The following BBS7 variants were observed in gnomAD, a reference collection of about 807,000 sequenced individuals.
The protein encoded by BBS7 is Bardet-Biedl syndrome 7, also known as BBSome complex member BBS7.
BBS7 carries 50 observed loss-of-function variants against 90.3 expected under a neutral mutation model. The ratio of observed to expected loss-of-function variants is 0.55; its 90% CI spans 0.44 to 0.70. The LOEUF is 0.70. Ranked by LOEUF, BBS7 falls within the 30% of genes least tolerant of loss-of-function variation. BBS7 has a pLI of 0.00. For missense variants in BBS7, 729 were observed against 838.9 expected, an observed-to-expected ratio of 0.87 and a Z score of 1.62; for synonymous variants, 235 against 287.4, an observed-to-expected ratio of 0.82 and a Z score of 1.85.
intron 2 of BBS7, 56 bp downstream of exon 2, chr4:121,867,925 A>T: frequency 2.2e-6 from 3 of 1,366,154 alleles, no homozygotes; most frequent in Non-Finnish European, 3.1e-6. Context: ...AGGAAATAGG[A>T]GCCTCTCCTC....
chr4:121,855,317 C>G (rs1726550661), intron 6 of BBS7, 172 bp downstream of exon 6: 8 of 622,790 alleles, frequency 1.3e-5, no homozygotes, highest in Admixed American at 2.2e-5. Context: ...CCCAGCCCCC[C>G]AAAAAAGAAA....
Position 121,824,823 on chromosome 4 carries a change from A to G in BBS7, c.*1037T>C, listed in dbSNP as rs1307785217. On this transcript the variant is annotated 3_prime_UTR_variant, in exon 19 of 19. Transcript: ENST00000264499. This position sits in a 1 kb window ranked among gnomAD's most constrained non-coding sequence, Gnocchi z 4.1. ...AATATACAAAGCTTGCACATAACTA[A>G]TAAGTATAATAGCATATCATTAAGA... 6.6e-6 allele frequency: 1 copy of G among 152,022 alleles called. No homozygotes were observed. Among genetic ancestry groups the G allele is most frequent in the African/African-American group, 2.4e-5 (1 of 41,424 alleles). The allele number at this position is 152,022 out of a possible 1,614,324, so 9.4% of individuals were successfully genotyped here.
chr4:121,864,786 C>T (rs575844375), intron 2 of BBS7, among the ~76,000 whole-genome samples: 1 of 152,104 alleles, frequency 6.6e-6, no homozygotes, highest in South Asian at 2.1e-4. Context: ...TAATTGACAA[C>T]AATTGTACAT....
chr4:121,851,539 G>C (rs746332367), intron 8 of BBS7, among the ~76,000 whole-genome samples: 2 of 152,010 alleles, frequency 1.3e-5, no homozygotes, highest in South Asian at 4.1e-4. Flanking sequence ...GGGCAATATA[G>C]TATGGATAAG....
chr4:121,865,871 G>GT (rs1727242074), intron 2 of BBS7, among the ~76,000 whole-genome samples: 1 of 152,018 alleles, frequency 6.6e-6, no homozygotes, highest in Non-Finnish European at 1.5e-5. Flanking sequence ...AGTATTTGTT[G>GT]TTTTTTGGTT....
At chr4:121,857,776 T>G (rs1279221445) in intron 5 of BBS7, among the ~76,000 whole-genome samples, 1 of 151,728 alleles carries the variant, frequency 6.6e-6, no homozygotes, top group East Asian at 1.9e-4. Flanking sequence ...AAATTAATCA[T>G]TCATAACTCT....
In BBS7 at chr4:121,867,694, G is replaced by C. The variant is rs574619935; in HGVS notation, c.102+287C>G. On this transcript the variant is annotated intron_variant, in intron 2 of 18. Transcript: ENST00000264499. ...GAACATTTTCTTGATACCTTATTCT[G>C]CTTTATATTTCTTTTTTCATATACA... is the stretch of plus-strand genomic sequence containing the variant. Among the ~76,000 whole-genome samples the C allele has an allele frequency of 2.6e-5, 4 of 152,132 alleles. No homozygotes were observed. In the East Asian group the frequency reaches 7.7e-4, roughly 29 times the overall value.
intron 8 of BBS7, among the ~76,000 whole-genome samples, chr4:121,851,012 A>T (rs1726289750): frequency 6.6e-6 from 1 of 152,186 alleles, no homozygotes; most frequent in Non-Finnish European, 1.5e-5. Context: ...TCTTCAAAAA[A>T]TTGTTTATTA....
At chr4:121,857,813 T>TTC (rs1460847324) in intron 5 of BBS7, among the ~76,000 whole-genome samples, 2 of 148,636 alleles carry the variant, frequency 1.3e-5, no homozygotes, top group African/African-American at 2.5e-5. Context: ...CTTTTCTTTT[T>TTC]TTTTTTTTTT....
intron 6 of BBS7, 186 bp downstream of exon 6, chr4:121,855,303 G>A: frequency 1.8e-6 from 1 of 566,694 alleles, no homozygotes; most frequent in Non-Finnish European, 3.2e-6. Flanking sequence ...GTGAGACCCT[G>A]CCCCCCAGCC....
chr4:121,845,681 A>G lies in BBS7; in HGVS notation c.1053T>C (p.His351=), dbSNP rs202187503. The change falls in exon 11 of 19, where the codon CAT becomes CAC. Residue 351 remains histidine (H), a synonymous_variant. Transcript: ENST00000264499. ...TTTCCTGCAATACCTTATACTGCAAATGTTCCAACTCATTCCTGGAGAAAA... is the reference window on the plus strand; with the variant it reads ...TTTCCTGCAATACCTTATACTGCAAGTGTTCCAACTCATTCCTGGAGAAAA... ...KISSLRNELE[H]LQYKVLQERE... is the part of the protein sequence containing the mutation. 5.6e-6 allele frequency: 9 copies of G among 1,612,742 alleles called. No homozygotes were observed. The highest frequency in any genetic ancestry group is 6.8e-6 in the Non-Finnish European group (8 of 1,179,066).
chr4:121,868,340 G>C (rs925523236), intron 1 of BBS7, among the ~76,000 whole-genome samples: 1 of 152,092 alleles, frequency 6.6e-6, no homozygotes, highest in East Asian at 1.9e-4. Flanking sequence ...GCATACAGTT[G>C]TTCAGCAAAG....
At chr4:121,847,221 C>T (rs1190240380) in intron 10 of BBS7, among the ~76,000 whole-genome samples, 183 bp downstream of exon 10, 4 of 152,150 alleles carry the variant, frequency 2.6e-5, no homozygotes, top group African/African-American at 9.7e-5. Context: ...TTTCTATCTC[C>T]AAAATATTAA....
chr4:121,855,789 T>C (rs1260154962), intron 5 of BBS7, among the ~76,000 whole-genome samples: 1 of 151,546 alleles, frequency 6.6e-6, no homozygotes, highest in Non-Finnish European at 1.5e-5. Flanking sequence ...TATACATATA[T>C]ACGTATATAT....
At chr4:121,826,892 G>A (rs1342085973) in intron 18 of BBS7, among the ~76,000 whole-genome samples, 2 of 152,158 alleles carry the variant, frequency 1.3e-5, no homozygotes, top group East Asian at 3.9e-4. Flanking sequence ...GCTGAGGCAG[G>A]AGAATTGCTT....
intron 4 of BBS7, among the ~76,000 whole-genome samples, chr4:121,860,391 T>C (rs1410590400): frequency 6.6e-6 from 1 of 152,130 alleles, no homozygotes; most frequent in African/African-American, 2.4e-5. Context: ...AGTTATAACT[T>C]TTGTTTTCCT....
At chr4:121,854,133 C>T (rs1000018880) in intron 7 of BBS7, among the ~76,000 whole-genome samples, 4 of 152,202 alleles carry the variant, frequency 2.6e-5, no homozygotes, top group Admixed American at 2.6e-4. Context: ...CTCTCTAATA[C>T]ACAGCCCTGT....
At chr4:121,836,470 G>C (rs537184166) in intron 13 of BBS7, among the ~76,000 whole-genome samples, 1 of 152,128 alleles carries the variant, frequency 6.6e-6, no homozygotes, top group East Asian at 1.9e-4. Context: ...TATACATAGA[G>C]GTTTTATCAG....
At chr4:121,850,119 A>T (rs1004328221) in intron 8 of BBS7, among the ~76,000 whole-genome samples, 41 of 150,830 alleles carry the variant, frequency 2.7e-4, no homozygotes, top group Non-Finnish European at 5.2e-4. Context: ...ATTTTTTTTT[A>T]TTTATTTATT....
Sources: allele counts gnomAD v4.1 joint callset (sites outside exome capture counted in the v4.1 genomes callset), GRCh38; gene constraint gnomAD v4.1.1; non-coding constraint Gnocchi (gnomAD v3.1); transcripts MANE v1.5; gene names NCBI Gene and HGNC (gene_info 2026-07-23, HGNC 2026-07-21).